Variants in RAB29 observed in about 807,000 individuals in gnomAD.
RAB29 encodes the protein ras-related protein Rab-29.
RAB29 carries 13 observed loss-of-function variants against 25.5 expected under a neutral mutation model. The ratio of observed to expected loss-of-function variants is 0.51; its 90% confidence interval spans 0.33 to 0.81. The LOEUF is 0.81. Ranked by LOEUF, RAB29 falls within the 30% of genes least tolerant of loss-of-function variation. The pLI is 0.02. For missense variants in RAB29, 201 were observed against 254.9 expected (o/e 0.79, Z 1.44); for synonymous variants, 88 against 95.0 (o/e 0.93, Z 0.43).
At chr1:205,773,059 A>G (rs1231429511) in intron 2 of RAB29, among the ~76,000 whole-genome samples, 1 of 152,158 alleles carries the variant, frequency 6.6e-6, no homozygotes, top group Non-Finnish European at 1.5e-5. Context: ...GGTTGCAGGT[A>G]TTATCTTGGG....
intron 3 of RAB29, among the ~76,000 whole-genome samples, chr1:205,771,946 C>CT (rs5780299): frequency 0.022 from 2,650 of 117,988 alleles, 88 homozygotes; most frequent in African/African-American, 0.072. Context: ...AAAGCAGTCG[C>CT]TTTTTTTTTT....
chr1:205,770,691 A>G (rs1445166494), intron 5 of RAB29, 42 bp downstream of exon 5: 4 of 1,613,246 alleles, frequency 2.5e-6, no homozygotes, highest in Non-Finnish European at 2.5e-6. Context: ...GCCACAGTGG[A>G]AGATGGATAC....
At chr1:205,774,588 G>T (rs1397482396) in intron 2 of RAB29, among the ~76,000 whole-genome samples, 1 of 152,106 alleles carries the variant, frequency 6.6e-6, no homozygotes, top group African/African-American at 2.4e-5. Context: ...TCATCTTCAC[G>T]CCTTTGCTCT....
intron 4 of RAB29, 29 bp downstream of exon 4, chr1:205,771,443 G>T: frequency 6.2e-7 from 1 of 1,608,884 alleles, no homozygotes; most frequent in South Asian, 1.1e-5. Flanking sequence ...ATAGAGGCTA[G>T]GGACCATTTT....
In RAB29 at chr1:205,774,853, T is replaced by G. The variant is rs778380185; in HGVS notation, c.104A>C (p.His35Pro). The G allele has an allele frequency of 1.3e-6, 2 of 1,574,886 alleles. No homozygotes were observed. The highest frequency in any genetic ancestry group is 1.7e-4 in the Middle Eastern group (1 of 5,858). Residue 35 changes from histidine to proline, a missense_variant, in exon 2 of 6, where the codon CAC (histidine) becomes CCC (proline). By Grantham distance (77) the His-to-Pro change is moderately conservative (BLOSUM62 -2). Transcript: ENST00000367139. ...QRYSQDSFSK[H>P]YKSTVGVDFA... ...CTCACCTCCCACCGTGGACTTGTAG[T>G]GTTTGCTGAAGCTGTCCTGGGAATA...
At chr1:205,770,942 A>G in intron 4 of RAB29, 88 bp from the exon 5 acceptor site, 3 of 1,454,760 alleles carry the variant, frequency 2.1e-6, no homozygotes, top group Non-Finnish European at 1.9e-6. Flanking sequence ...TTTTAAACAT[A>G]TTTCCACCAA....
rs571477706 is a variant in RAB29, at chr1:205,773,217, C to G, written c.125-650G>C. ...CTGAGTAAGTATTCCATGGGGAAAG[C>G]CTTTTGGCTAAGGAGAGAAACAGAG... On this transcript the variant is annotated intron_variant, in intron 2 of 5. Transcript: ENST00000367139. Among the ~76,000 whole-genome samples the G allele has an allele frequency of 4.6e-5, 7 of 152,260 alleles. No homozygotes were observed. The South Asian group carries it at 1.4e-3, about 32-fold the overall frequency.
chr1:205,774,183 G>T (rs1655174913), intron 2 of RAB29, among the ~76,000 whole-genome samples: 1 of 152,250 alleles, frequency 6.6e-6, no homozygotes, highest in African/African-American at 2.4e-5. Flanking sequence ...ATTCTTGGAA[G>T]AATTCCTTGG....
intron 2 of RAB29, 41 bp downstream of exon 2, chr1:205,774,789 GCCT>G: frequency 6.6e-7 from 1 of 1,505,176 alleles, no homozygotes. Flanking sequence ...CGCGGTCGGG[GCCT>G]CCTCCTCCCC....
rs1210705091 is a variant in RAB29 at position 205,771,307 on chromosome 1, AAAAAAGAAAG to A, written c.378+155_378+164del. ...GAGCGAGACTCCGTCTCAAAAAAAAAAAAAAGAAAGAAAGTCTCACTCACCCTCAACATCC... is the reference window on the plus strand; with the variant it reads ...GAGCGAGACTCCGTCTCAAAAAAAAAAAAGTCTCACTCACCCTCAACATCC... On this transcript the variant is annotated intron_variant, in intron 4 of 5. Coordinates refer to ENST00000367139, the MANE Select transcript of RAB29 (RefSeq NM_003929.3). The A allele has an allele frequency of 2.6e-3, 2,110 of 816,210 alleles. 2 individuals are homozygous for A. The highest frequency in any genetic ancestry group is 6.6e-3 in the South Asian group (383 of 57,848). 50.6% of individuals were successfully genotyped at this position (816,210 alleles called of 1,614,324 possible).
chr1:205,769,822 T>C lies in RAB29; in HGVS notation c.*520A>G, dbSNP rs1322224304. 7.5e-6 allele frequency: 1 copy of C among 134,142 alleles called. No individual in the cohort carries two copies. The highest frequency in any genetic ancestry group is 2.1e-4 in the East Asian group (1 of 4,714). The allele number at this position is 134,142 out of a possible 1,614,324, so 8.3% of individuals were successfully genotyped here. A position where few individuals can be genotyped will look rare whatever the true frequency, so the allele number is the denominator to read the frequency against. On this transcript the variant is annotated 3_prime_UTR_variant, in exon 6 of 6. Transcript: ENST00000367139. ...ACAGTGACTTCTGGGACACTTCTAG[T>C]AGCCAAAAATCCACAGATGCCCAGA...
At position 205,769,146 on chromosome 1, in the gene RAB29, A is replaced by G. The variant is rs1654861188; in HGVS notation, c.*1196T>C. The G allele has an allele frequency of 6.6e-6, 1 of 152,172 alleles. No individual in the cohort carries two copies. The highest frequency in any genetic ancestry group is 2.1e-4 in the South Asian group (1 of 4,828). The allele number at this position is 152,172 out of a possible 1,614,324, so 9.4% of individuals were successfully genotyped here. A position where few individuals can be genotyped will look rare whatever the true frequency, so the allele number is the denominator to read the frequency against. On this transcript the variant is annotated 3_prime_UTR_variant, in exon 6 of 6. Coordinates refer to ENST00000367139, the MANE Select transcript of RAB29 (RefSeq NM_003929.3). ...CTCCCCCAGGCTAGGACCTGCACAT[A>G]ATATGTTTCCTATGACTAAGTGCCT...
In RAB29 at chr1:205,774,821, G is replaced by T; in HGVS notation, c.124+12C>A. 3.9e-6 allele frequency: 2 copies of T among 517,040 alleles called. No homozygotes were observed. The highest frequency in any genetic ancestry group is 1.7e-5 in the South Asian group (1 of 60,360). 32.0% of individuals were successfully genotyped at this position (517,040 alleles called of 1,614,324 possible). ...CCTCCCCCTCCCCCTCCCCACCCCC[G>T]AGACGTCTCACCTCCCACCGTGGAC... On this transcript the variant is annotated intron_variant, in intron 2 of 5. Coordinates refer to ENST00000367139, the MANE Select transcript of RAB29 (RefSeq NM_003929.3).
In RAB29 at chr1:205,768,628, G is replaced by C. The variant is rs1654830068; in HGVS notation, c.*1714C>G. On this transcript the variant is annotated 3_prime_UTR_variant, in exon 6 of 6. Transcript: ENST00000367139. ...AGCTCACTGCAACCTCTAACTCCCA[G>C]GTTCAAGCGATTCTCCTGCCTCAGT... is the stretch of plus-strand genomic sequence containing the variant. The C allele has an allele frequency of 6.6e-6, 1 of 151,486 alleles. No homozygotes were observed. Among genetic ancestry groups the C allele is most frequent in the Non-Finnish European group, 1.5e-5 (1 of 67,968 alleles). The allele number at this position is 151,486 out of a possible 1,614,324, so 9.4% of individuals were successfully genotyped here.
Position 205,771,445 on chromosome 1 carries a change from G to A in RAB29, c.378+27C>T, listed in dbSNP as rs757050220. ...TTTCTAACCACAGATAGAGGCTAGG[G>A]ACCATTTTCTGAGATTGGCCACATA... On this transcript the variant is annotated intron_variant, in intron 4 of 5. Coordinates refer to ENST00000367139, the MANE Select transcript of RAB29 (RefSeq NM_003929.3). 1.9e-6 allele frequency: 3 copies of A among 1,609,460 alleles called. No individual in the cohort carries two copies. The African/African-American group carries it at 4.0e-5, about 22-fold the overall frequency.
chr1:205,771,999 A>G (rs1655053626), intron 3 of RAB29, among the ~76,000 whole-genome samples: 1 of 140,282 alleles, frequency 7.1e-6, no homozygotes, highest in Admixed American at 7.2e-5. Context: ...CCCAGGCTGG[A>G]GTGCAGTGGT....
Position 205,774,825 on chromosome 1 carries a change from C to T in RAB29, c.124+8G>A. On this transcript the variant is annotated splice_region_variant and intron_variant, in intron 2 of 5. Transcript: ENST00000367139. ...CCCCTCCCCCTCCCCACCCCCGAGA[C>T]GTCTCACCTCCCACCGTGGACTTGT... 1 of 1,434,570 alleles carries T rather than the reference C, an allele frequency of 7.0e-7. No homozygotes were observed. Among genetic ancestry groups the T allele is most frequent in the African/African-American group, 1.4e-5 (1 of 70,478 alleles). 88.9% of individuals were successfully genotyped at this position (1,434,570 alleles called of 1,614,324 possible). A position where few individuals can be genotyped will look rare whatever the true frequency, so the allele number is the denominator to read the frequency against.
At chr1:205,774,776 GTCCGCGGTCGGGGCCTCC>G (rs1200272497) in intron 2 of RAB29, 39 bp downstream of exon 2, 3 of 1,533,024 alleles carry the variant, frequency 2.0e-6, no homozygotes, top group Non-Finnish European at 2.7e-6. Context: ...CCCAGCTCGA[GTCCGCGGTCGGGGCCTCC>G]TCCTCCCCCT....
intron 2 of RAB29, among the ~76,000 whole-genome samples, chr1:205,774,530 C>T (rs1172844705): frequency 6.6e-6 from 1 of 152,232 alleles, no homozygotes; most frequent in African/African-American, 2.4e-5. Flanking sequence ...TCACAGTACG[C>T]CTGCAATAAA....
Sources: allele counts gnomAD v4.1 joint callset (sites outside exome capture counted in the v4.1 genomes callset), GRCh38; gene constraint gnomAD v4.1.1; transcripts MANE v1.5; gene names NCBI Gene and HGNC (gene_info 2026-07-23, HGNC 2026-07-21).